The following FAM135A variants were observed in gnomAD, a reference collection of about 807,000 sequenced individuals.
FAM135A encodes family with sequence similarity 135 member A.
FAM135A carries 79 observed loss-of-function variants against 146.8 expected under a neutral mutation model. The observed-to-expected ratio is 0.54, with a 90% CI of 0.45 to 0.65. The LOEUF (loss-of-function observed/expected upper bound fraction) is 0.65, where lower values mean the gene tolerates loss of function less well. Ranked by LOEUF, FAM135A falls within the 30% of genes least tolerant of loss-of-function variation. The pLI, the probability that FAM135A is intolerant of heterozygous loss-of-function variation, is 0.00. For synonymous variants in FAM135A, 562 were observed against 603.6 expected, an observed-to-expected ratio of 0.93 and a Z score of 1.01; for missense variants, 1,623 against 1,758.2, an observed-to-expected ratio of 0.92 and a Z score of 1.38.
In FAM135A at chr6:70,548,745, T is replaced by G. The variant is rs1582895284; in HGVS notation, c.4229-8005T>G. On this transcript the variant is annotated intron_variant, in intron 20 of 21. Coordinates refer to ENST00000418814, the MANE Select transcript of FAM135A (RefSeq NM_001162529.3). ...TCAGTGGGAAATTTGTGAGGAAGTTTTAATGATCATGTAATCTGGCAAATA... is the reference window on the plus strand; with the variant it reads ...TCAGTGGGAAATTTGTGAGGAAGTTGTAATGATCATGTAATCTGGCAAATA... Among the ~76,000 whole-genome samples, 9 of 152,138 alleles carry G rather than the reference T, an allele frequency of 5.9e-5. No homozygotes were observed. In the South Asian group the frequency reaches 1.9e-3, roughly 31 times the overall value.
intron 10 of FAM135A, among the ~76,000 whole-genome samples, chr6:70,489,267 C>G (rs903699505): frequency 2.0e-5 from 3 of 151,866 alleles, no homozygotes; most frequent in Admixed American, 6.6e-5. Context: ...TTTGGAAAGC[C>G]CAATATTAGA....
intron 10 of FAM135A, among the ~76,000 whole-genome samples, chr6:70,484,780 C>G (rs1784323307): frequency 6.6e-6 from 1 of 152,240 alleles, no homozygotes; most frequent in Admixed American, 6.5e-5. Flanking sequence ...AGTCCAGTTC[C>G]TAACAGGCCA....
At chr6:70,413,944 G>C in intron 1 of FAM135A, 1 of 985,510 alleles carries the variant, frequency 1.0e-6, no homozygotes, top group Non-Finnish European at 1.2e-6. Context: ...CTGCTCTCCC[G>C]GTGCCCGCGG....
At chr6:70,443,954 C>T (rs1775129219) in intron 4 of FAM135A, among the ~76,000 whole-genome samples, 1 of 152,088 alleles carries the variant, frequency 6.6e-6, no homozygotes, top group African/African-American at 2.4e-5. Flanking sequence ...TACAGATATA[C>T]TTTTTATACT....
chr6:70,450,203 T>C (rs1460192517), intron 4 of FAM135A, among the ~76,000 whole-genome samples: 1 of 152,308 alleles, frequency 6.6e-6, no homozygotes, highest in African/African-American at 2.4e-5. Context: ...ACTTTTTTTT[T>C]CCAAATCTGT....
chr6:70,449,624 A>C (rs1776607099), intron 4 of FAM135A, among the ~76,000 whole-genome samples: 3 of 152,280 alleles, frequency 2.0e-5, no homozygotes, highest in African/African-American at 7.2e-5. Flanking sequence ...TGTTGTATAT[A>C]TATATACTAG....
rs972296690 is a variant in FAM135A, at chr6:70,450,273, C to T, written c.78-2219C>T. ...GCTCTTCAGAAGCTTTTTAATTTGG[C>T]GTAATCTTATTTGTCTATGTTTGCT... On this transcript the variant is annotated intron_variant, in intron 4 of 21. Transcript: ENST00000418814. 4.6e-5 allele frequency among the ~76,000 whole-genome samples: 7 copies of T among 152,034 alleles called. No homozygotes were observed. The East Asian group carries it at 5.8e-4, about 13-fold the overall frequency.
rs1015128943 is a variant in FAM135A at position 70,525,357 on chromosome 6, T to G, written c.2273T>G (p.Ile758Ser). Residue 758 changes from isoleucine (I) to serine (S), a missense_variant, in exon 15 of 22, where the codon ATT becomes AGT. Ile to Ser is a moderately radical substitution (Grantham distance 142, BLOSUM62 -2). Around this residue, in one of 7 missense-constraint regions of FAM135A, gnomAD observed 1,061 missense variants for 1,113.8 expected, o/e 0.95. Transcript: ENST00000418814. ...VSGDTIKLPDISATYASSRFS... is the reference protein window; with the variant it reads ...VSGDTIKLPDSSATYASSRFS... ...GGAGATACAATTAAGTTACCAGATA[T>G]TAGTGCCACATATGCCTCATCTAGA... is the stretch of plus-strand genomic sequence containing the variant. 4 of 1,613,530 alleles carry G rather than the reference T, an allele frequency of 2.5e-6. No individual in the cohort carries two copies. In the Admixed American group the frequency reaches 6.7e-5, roughly 27 times the overall value.
chr6:70,482,139 C>G lies in FAM135A; in HGVS notation c.808C>G (p.Gln270Glu), dbSNP rs148577442. 1.9e-5 allele frequency: 30 copies of G among 1,613,304 alleles called. No individual in the cohort carries two copies. The highest frequency in any genetic ancestry group is 2.5e-5 in the Non-Finnish European group (29 of 1,179,714). ...AGTAACAGAAGAGATTCCTTCTTGT[C>G]AGAAACTAGAACTGGGTATGTTAAA... ...ITVTEEIPSC[Q>E]KLELEEMDVE... The change falls in exon 10 of 22, where the codon CAG (glutamine) becomes GAG (glutamate). Residue 270 changes from glutamine (Q) to glutamate (E), a missense_variant. Physicochemically the swap from Gln to Glu is conservative, Grantham distance 29 (BLOSUM62 2). Transcript: ENST00000418814.
chr6:70,446,364 C>T (rs563785582), intron 4 of FAM135A, among the ~76,000 whole-genome samples: 1 of 152,310 alleles, frequency 6.6e-6, no homozygotes, highest in South Asian at 2.1e-4. Flanking sequence ...TTTCTACCAT[C>T]TGACCGTTTT....
rs1332473848 is a variant in FAM135A at position 70,469,990 on chromosome 6, C to CA, written c.158-5412dup. Among the ~76,000 whole-genome samples the CA allele has an allele frequency of 2.7e-5, 4 of 147,174 alleles. No homozygotes were observed. The Admixed American group carries it at 2.7e-4, about 10-fold the overall frequency. On this transcript the variant is annotated intron_variant, in intron 5 of 21. Coordinates refer to ENST00000418814, the MANE Select transcript of FAM135A (RefSeq NM_001162529.3). Reference sequence around the variant, plus strand: ...CTGGGCACAGAGTAAGACTCTGTCTCAAAAAAAAGTAGAAAAAAAAACAAC... The same window carrying CA: ...CTGGGCACAGAGTAAGACTCTGTCTCAAAAAAAAAGTAGAAAAAAAAACAAC...
intron 4 of FAM135A, among the ~76,000 whole-genome samples, chr6:70,447,261 C>T (rs1321041043): frequency 3.3e-5 from 5 of 152,188 alleles, no homozygotes; most frequent in African/African-American, 1.2e-4. Flanking sequence ...GCTTCCAAAT[C>T]CTCCTGTTTG....
rs1404174676 is a variant in FAM135A at position 70,524,688 on chromosome 6, T to C, written c.1604T>C (p.Ile535Thr). ...CLKSTASNDL[I>T]KCFEGNPSHS... ...AAAAGTACAGCATCAAATGATCTCA[T>C]TAAATGCTTTGAAGGCAATCCTTCA... Residue 535 changes from isoleucine (I) to threonine (T), a missense_variant, in exon 15 of 22, where the codon ATT (isoleucine) becomes ACT (threonine). Coordinates refer to ENST00000418814, the MANE Select transcript of FAM135A (RefSeq NM_001162529.3). 1 of 1,550,820 alleles carries C rather than the reference T, an allele frequency of 6.4e-7. No homozygotes were observed.
chr6:70,464,053 T>C (rs915981037), intron 5 of FAM135A, among the ~76,000 whole-genome samples: 4 of 151,882 alleles, frequency 2.6e-5, no homozygotes, highest in African/African-American at 7.3e-5. Flanking sequence ...TTCTTACTTA[T>C]GTTCATGTCT....
chr6:70,435,098 TA>T (rs1562411589), intron 4 of FAM135A, among the ~76,000 whole-genome samples: 17 of 119,174 alleles, frequency 1.4e-4, no homozygotes, highest in African/African-American at 4.6e-4. Flanking sequence ...TATATATATA[TA>T]TATATATATA....
intron 4 of FAM135A, among the ~76,000 whole-genome samples, chr6:70,435,415 A>T (rs1441865730): frequency 1.3e-5 from 2 of 151,948 alleles, no homozygotes; most frequent in Non-Finnish European, 2.9e-5. Flanking sequence ...TAGAAATTAC[A>T]TTCTTAAATT....
At chr6:70,511,382 T>C (rs977299136) in intron 12 of FAM135A, among the ~76,000 whole-genome samples, 3 of 151,896 alleles carry the variant, frequency 2.0e-5, no homozygotes, top group African/African-American at 4.8e-5. Flanking sequence ...TTTAAAGATA[T>C]AAGGTAACCC....
intron 10 of FAM135A, among the ~76,000 whole-genome samples, chr6:70,489,494 G>C (rs575182937): frequency 1.1e-4 from 16 of 152,288 alleles, no homozygotes; most frequent in African/African-American, 3.4e-4. Context: ...GTGGGGTACA[G>C]CGTCCTTGAT....
chr6:70,490,887 T>A, intron 10 of FAM135A, 147 bp from the exon 11 acceptor site: 2 of 459,520 alleles, frequency 4.4e-6, no homozygotes, highest in Non-Finnish European at 7.4e-6. Flanking sequence ...ATGTAATTAA[T>A]ATGTTTATGA....
Sources: allele counts gnomAD v4.1 joint callset (sites outside exome capture counted in the v4.1 genomes callset), GRCh38; gene constraint gnomAD v4.1.1; regional missense constraint gnomAD v4.1.1; transcripts MANE v1.5; gene names NCBI Gene and HGNC (gene_info 2026-07-23, HGNC 2026-07-21).